AGAP1: variants seen among roughly 807,000 people sequenced by gnomAD.
AGAP1 encodes the protein ArfGAP with GTPase domain, ankyrin repeat and PH domain 1.
Under a neutral mutation model 105.3 loss-of-function variants are expected in AGAP1, and 29 were observed. The ratio of observed to expected loss-of-function variants is 0.28; its 90% CI spans 0.21 to 0.38. The LOEUF (loss-of-function observed/expected upper bound fraction) is 0.38, where lower values mean the gene tolerates loss of function less well. Among genes scored for constraint, AGAP1 ranks in the 10% least tolerant of loss-of-function variants. The pLI, the probability that AGAP1 is intolerant of heterozygous loss-of-function variation, is 1.00. For synonymous variants in AGAP1, 509 were observed against 485.9 expected (o/e 1.05, Z -0.63); for missense variants, 998 against 1,165.1 (o/e 0.86, Z 2.09).
intron 13 of AGAP1, among the ~76,000 whole-genome samples, chr2:235,995,631 A>G (rs1459428612): frequency 2.0e-5 from 3 of 152,198 alleles, no homozygotes; most frequent in African/African-American, 7.2e-5. Flanking sequence ...GTGGCAGACA[A>G]CCTTAGCAGG....
chr2:235,695,281 A>G (rs1057430370), intron 1 of AGAP1, among the ~76,000 whole-genome samples: 3 of 152,222 alleles, frequency 2.0e-5, no homozygotes, highest in African/African-American at 7.2e-5. Flanking sequence ...ACTTCTTTCC[A>G]TGAGTGCACC....
In AGAP1 at chr2:235,912,334, A is replaced by G. The variant is rs6751680; in HGVS notation, c.1324+3428A>G. 2.6e-4 allele frequency among the ~76,000 whole-genome samples: 39 copies of G among 152,336 alleles called. 1 individual carries two copies. The highest frequency in any genetic ancestry group is 8.9e-4 in the African/African-American group (37 of 41,574). On this transcript the variant is annotated intron_variant, in intron 11 of 17. Transcript: ENST00000304032. ...GAGGAATTCCAACACAGCAAATTCA[A>G]TCTGAAATAAATTGAGGCTACATTT...
chr2:235,816,454 AAAAG>A (rs1451694397), intron 9 of AGAP1, among the ~76,000 whole-genome samples: 1 of 145,758 alleles, frequency 6.9e-6, no homozygotes. Context: ...AAAAAAAAAA[AAAAG>A]GAAAGAAAGA....
Position 236,005,346 on chromosome 2 carries a change from G to A in AGAP1, c.1646-31215G>A, listed in dbSNP as rs912498259. On this transcript the variant is annotated intron_variant, in intron 13 of 17. Coordinates refer to ENST00000304032, the MANE Select transcript of AGAP1 (RefSeq NM_001037131.3). This position sits in a 1 kb window ranked among gnomAD's most constrained non-coding sequence, Gnocchi z 4.1. ...GGTAGAAACGTTGTTTCACCATGTT[G>A]CCCAGGCTGGTCTCAAACTCCTGAC... 1.3e-5 allele frequency among the ~76,000 whole-genome samples: 2 copies of A among 151,918 alleles called. No homozygotes were observed. Among genetic ancestry groups the A allele is most frequent in the African/African-American group, 4.8e-5 (2 of 41,350 alleles).
In AGAP1 at chr2:235,723,667, C is replaced by T. The variant is rs531941042; in HGVS notation, c.310+6023C>T. Among the ~76,000 whole-genome samples the T allele has an allele frequency of 4.6e-5, 7 of 152,314 alleles. No homozygotes were observed. In the South Asian group the frequency reaches 8.3e-4, roughly 18 times the overall value. On this transcript the variant is annotated intron_variant, in intron 3 of 17. Coordinates refer to ENST00000304032, the MANE Select transcript of AGAP1 (RefSeq NM_001037131.3). The surrounding 1 kb of genome is among the most constrained non-coding windows in gnomAD (Gnocchi z 6.2). ...CCAGAAAAGCTGAAAGCCAGCACCA[C>T]GCTGAGATCGTGGCACACCTGAGGA...
At chr2:235,838,651 A>G (rs1960452395) in intron 9 of AGAP1, among the ~76,000 whole-genome samples, 1 of 152,258 alleles carries the variant, frequency 6.6e-6, no homozygotes, top group Non-Finnish European at 1.5e-5. Flanking sequence ...CAACCTAGCA[A>G]GAAAGTCAGG....
At chr2:236,072,349 G>C (rs2058522194) in intron 16 of AGAP1, 1 of 152,118 alleles carries the variant, frequency 6.6e-6, no homozygotes, top group South Asian at 2.1e-4. Context: ...GCTGAGGCAG[G>C]AGAATCGCTT....
intron 9 of AGAP1, among the ~76,000 whole-genome samples, chr2:235,850,800 T>G (rs1358777205): frequency 1.3e-5 from 2 of 152,132 alleles, no homozygotes; most frequent in Non-Finnish European, 2.9e-5. Flanking sequence ...TACTTCAAAG[T>G]TGGGGAATTC....
chr2:236,024,062 A>C (rs1411718571), intron 13 of AGAP1, among the ~76,000 whole-genome samples: 7 of 121,800 alleles, frequency 5.7e-5, no homozygotes, highest in African/African-American at 1.9e-4. Context: ...AGACAGTCTC[A>C]CTTTGTCACC....
chr2:235,811,503 A>G (rs943163721), intron 9 of AGAP1, among the ~76,000 whole-genome samples: 3 of 152,242 alleles, frequency 2.0e-5, no homozygotes, highest in African/African-American at 7.2e-5. Context: ...AGAAGATACC[A>G]TCTTTGCCTT....
In AGAP1 at chr2:235,609,701, C is replaced by A. The variant is rs1946063982; in HGVS notation, c.164-99478C>A. ...CGTCCCTGGTTCTGTACCGGAGGAA[C>A]AGGAGCTCTGGAGGTCTTCTGTTTG... is the stretch of plus-strand genomic sequence containing the variant. On this transcript the variant is annotated intron_variant, in intron 1 of 17. Coordinates refer to ENST00000304032, the MANE Select transcript of AGAP1 (RefSeq NM_001037131.3). The surrounding 1 kb of genome is among the most constrained non-coding windows in gnomAD (Gnocchi z 5.1). Among the ~76,000 whole-genome samples the A allele has an allele frequency of 6.6e-6, 1 of 152,062 alleles. No individual in the cohort carries two copies. Among genetic ancestry groups the A allele is most frequent in the Non-Finnish European group, 1.5e-5 (1 of 68,020 alleles).
chr2:235,606,656 G>A (rs1014972464), intron 1 of AGAP1, among the ~76,000 whole-genome samples: 4 of 152,076 alleles, frequency 2.6e-5, no homozygotes, highest in Non-Finnish European at 1.5e-5. Flanking sequence ...GTTTACAGTT[G>A]TTTGCAAACC....
chr2:235,959,644 C>T lies in AGAP1; in HGVS notation c.1484-8818C>T, dbSNP rs116291320. 0.021 allele frequency among the ~76,000 whole-genome samples: 3,137 copies of T among 152,100 alleles called. 111 individuals carry two copies. Among genetic ancestry groups the T allele is most frequent in the African/African-American group, 0.072 (2,986 of 41,488 alleles). On this transcript the variant is annotated intron_variant, in intron 12 of 17. Coordinates refer to ENST00000304032, the MANE Select transcript of AGAP1 (RefSeq NM_001037131.3). This position sits in a 1 kb window ranked among gnomAD's most constrained non-coding sequence, Gnocchi z 7.3. ...GCCCGACTTCTGTCTCCTGCCACGG[C>T]CCCCCTCAATTCACATCCTAATTCA...
Position 235,639,947 on chromosome 2 carries a change from C to G in AGAP1, c.164-69232C>G, listed in dbSNP as rs1947135831. ...AATTTGCCCATGATGGGGTTAGAGA[C>G]CCACAGTTGCTCAAAAGCAGTTTTT... On this transcript the variant is annotated intron_variant, in intron 1 of 17. Transcript: ENST00000304032. The surrounding 1 kb of genome is among the most constrained non-coding windows in gnomAD (Gnocchi z 5.3). Among the ~76,000 whole-genome samples the G allele has an allele frequency of 6.6e-6, 1 of 152,186 alleles. No homozygotes were observed. Among genetic ancestry groups the G allele is most frequent in the Non-Finnish European group, 1.5e-5 (1 of 68,036 alleles).
Position 235,830,194 on chromosome 2 carries a change from A to G in AGAP1, c.1050+22863A>G, listed in dbSNP as rs1422230498. ...GGCCCAGAAAAGATGCAGACAAGGT[A>G]GGAGTCGGCTCTGTGTGACTTCCCC... On this transcript the variant is annotated intron_variant, in intron 9 of 17. Transcript: ENST00000304032. This position sits in a 1 kb window ranked among gnomAD's most constrained non-coding sequence, Gnocchi z 5.5. 6.6e-6 allele frequency among the ~76,000 whole-genome samples: 1 copy of G among 152,200 alleles called. No homozygotes were observed. Among genetic ancestry groups the G allele is most frequent in the African/African-American group, 2.4e-5 (1 of 41,438 alleles).
At position 235,842,490 on chromosome 2, in the gene AGAP1, A is replaced by G. The variant is rs1960983184; in HGVS notation, c.1050+35159A>G. Among the ~76,000 whole-genome samples, 2 of 152,188 alleles carry G rather than the reference A, an allele frequency of 1.3e-5. No individual in the cohort carries two copies. The highest frequency in any genetic ancestry group is 2.9e-5 in the Non-Finnish European group (2 of 68,046). On this transcript the variant is annotated intron_variant, in intron 9 of 17. Transcript: ENST00000304032. This position sits in a 1 kb window ranked among gnomAD's most constrained non-coding sequence, Gnocchi z 5.3. ...TCTGCCACTGGGTCTCAGTGCATTA[A>G]TAAAGCAGTGTGCTTATTACCCAGC...
Position 236,114,464 on chromosome 2 carries a change from G to C in AGAP1, c.2115-5728G>C, listed in dbSNP as rs3768924. On this transcript the variant is annotated intron_variant, in intron 16 of 17. Transcript: ENST00000304032. This position sits in a 1 kb window ranked among gnomAD's most constrained non-coding sequence, Gnocchi z 5.0. ...GCTATCCAGAGTATGTGTCAGCTCA[G>C]GCTGCCAAAATAAAGTATTACACTT... 0.27 allele frequency among the ~76,000 whole-genome samples: 41,735 copies of C among 152,174 alleles called. 6,489 individuals carry two copies. Among genetic ancestry groups the C allele is most frequent in the South Asian group, 0.43 (2,089 of 4,824 alleles).
At chr2:235,514,428 C>T (rs763179134) in intron 1 of AGAP1, among the ~76,000 whole-genome samples, 9 of 152,246 alleles carry the variant, frequency 5.9e-5, no homozygotes, top group Non-Finnish European at 1.0e-4. Flanking sequence ...GGCCCTTTGC[C>T]GTGGCCCTGC....
chr2:235,906,766 G>T lies in AGAP1; in HGVS notation c.1156-1972G>T, dbSNP rs1474888478. The stretch of plus-strand genomic sequence containing the variant: ...AGTTTCATTCCTTTCCCCTGAACTG[G>T]AATTGTGTACTTTGTGGCTTTTGTT... On this transcript the variant is annotated intron_variant, in intron 10 of 17. Transcript: ENST00000304032. The surrounding 1 kb of genome is among the most constrained non-coding windows in gnomAD (Gnocchi z 5.3). 1.3e-5 allele frequency among the ~76,000 whole-genome samples: 2 copies of T among 152,146 alleles called. No individual in the cohort carries two copies. Among genetic ancestry groups the T allele is most frequent in the East Asian group, 3.9e-4 (2 of 5,192 alleles).
Sources: allele counts gnomAD v4.1 joint callset (sites outside exome capture counted in the v4.1 genomes callset), GRCh38; gene constraint gnomAD v4.1.1; non-coding constraint Gnocchi (gnomAD v3.1); transcripts MANE v1.5; gene names NCBI Gene and HGNC (gene_info 2026-07-23, HGNC 2026-07-21).